Variants in CACNA1D observed in about 807,000 individuals in gnomAD.
CACNA1D encodes the protein voltage-dependent L-type calcium channel subunit alpha-1D.
In CACNA1D, 55 loss-of-function variants were observed where a neutral mutation model predicts 257.1. That is an observed-to-expected ratio of 0.21 (90% CI 0.17 to 0.27). The LOEUF (loss-of-function observed/expected upper bound fraction) is 0.27. Among genes scored for constraint, CACNA1D ranks in the 10% least tolerant of loss-of-function variants. CACNA1D has a pLI of 1.00. For missense variants in CACNA1D, 1,876 were observed against 2,784.0 expected, an observed-to-expected ratio of 0.67 and a Z score of 7.34; for synonymous variants, 980 against 1,014.9, an observed-to-expected ratio of 0.97 and a Z score of 0.65.
Position 53,518,879 on chromosome 3 carries a change from C to T in CACNA1D, c.483+17159C>T, listed in dbSNP as rs532721223. On this transcript the variant is annotated intron_variant, in intron 3 of 47. Transcript: ENST00000350061. ...CCAAGCTTACTACTTTGAAGGAACA[C>T]ATATTTACACAATTCTGATGTGTTT... Among the ~76,000 whole-genome samples, 109 of 152,320 alleles carry T rather than the reference C, an allele frequency of 7.2e-4. 1 individual carries two copies. Among genetic ancestry groups the T allele is most frequent in the Middle Eastern group, 6.8e-3 (2 of 294 alleles).
rs187704633 is a variant in CACNA1D, at chr3:53,677,387, C to T, written c.1220+4261C>T. Among the ~76,000 whole-genome samples, 8 of 152,356 alleles carry T rather than the reference C, an allele frequency of 5.3e-5. No individual in the cohort carries two copies. In the East Asian group the frequency reaches 9.6e-4, roughly 18 times the overall value. ...GTCTCTTTGTCCTTCAGGATATCAG[C>T]GACATCCTGTCTTGCCGTCTCCCAC... On this transcript the variant is annotated intron_variant, in intron 8 of 47. Coordinates refer to ENST00000350061, the MANE Select transcript of CACNA1D (RefSeq NM_001128840.3).
intron 6 of CACNA1D, 70 bp from the exon 7 acceptor site, chr3:53,666,269 C>A: frequency 6.8e-7 from 1 of 1,465,586 alleles, no homozygotes; most frequent in Non-Finnish European, 9.6e-7. Flanking sequence ...CAAGGGTTCT[C>A]ACCTTCCGCT....
At chr3:53,638,394 T>C (rs1429580578) in intron 3 of CACNA1D, among the ~76,000 whole-genome samples, 3 of 152,156 alleles carry the variant, frequency 2.0e-5, no homozygotes, top group African/African-American at 7.2e-5. Context: ...AGGTACATTG[T>C]GAGTATACTA....
At chr3:53,796,745 C>G (rs2095509417) in intron 40 of CACNA1D, among the ~76,000 whole-genome samples, 1 of 152,172 alleles carries the variant, frequency 6.6e-6, no homozygotes, top group Non-Finnish European at 1.5e-5. Flanking sequence ...AAAGCGCCAA[C>G]ATTTCTTTTC....
chr3:53,577,419 C>T (rs1575945413), intron 3 of CACNA1D, among the ~76,000 whole-genome samples: 1 of 152,100 alleles, frequency 6.6e-6, no homozygotes, highest in Non-Finnish European at 1.5e-5. Flanking sequence ...CCACTGGCAG[C>T]CCTGGATTTA....
At chr3:53,545,344 A>G (rs1218682891) in intron 3 of CACNA1D, among the ~76,000 whole-genome samples, 2 of 152,204 alleles carry the variant, frequency 1.3e-5, no homozygotes, top group Non-Finnish European at 2.9e-5. Context: ...CAGACATTTA[A>G]TGACTCTCCC....
chr3:53,648,359 G>C (rs1180115674), intron 3 of CACNA1D, among the ~76,000 whole-genome samples: 1 of 152,138 alleles, frequency 6.6e-6, no homozygotes, highest in Non-Finnish European at 1.5e-5. Context: ...CTGTGGGTTG[G>C]CATTTTCAGG....
chr3:53,725,191 T>G (rs1196988193), intron 14 of CACNA1D, among the ~76,000 whole-genome samples: 1 of 152,228 alleles, frequency 6.6e-6, no homozygotes, highest in Non-Finnish European at 1.5e-5. Flanking sequence ...TAGGAGACTT[T>G]CCACAGACAG....
At chr3:53,550,625 A>T (rs915369299) in intron 3 of CACNA1D, among the ~76,000 whole-genome samples, 2 of 152,174 alleles carry the variant, frequency 1.3e-5, no homozygotes, top group African/African-American at 4.8e-5. Context: ...GTTCTTTGAG[A>T]TGGATGGCTT....
At chr3:53,504,394 C>T (rs563928327) in intron 3 of CACNA1D, among the ~76,000 whole-genome samples, 1 of 152,272 alleles carries the variant, frequency 6.6e-6, no homozygotes, top group African/African-American at 2.4e-5. Context: ...TGGCCATCCC[C>T]ATTGATCCAA....
chr3:53,587,361 C>T (rs958566599), intron 3 of CACNA1D, among the ~76,000 whole-genome samples: 23 of 152,140 alleles, frequency 1.5e-4, no homozygotes, highest in African/African-American at 5.6e-4. Context: ...GTAATAGAGA[C>T]TCAGGATTTT....
At chr3:53,770,726 C>G (rs2095361710) in intron 32 of CACNA1D, among the ~76,000 whole-genome samples, 174 bp downstream of exon 32, 1 of 152,174 alleles carries the variant, frequency 6.6e-6, no homozygotes, top group African/African-American at 2.4e-5. Flanking sequence ...GGGTCAATCA[C>G]ATGGGATTAC....
Position 53,581,585 on chromosome 3 carries a change from G to A in CACNA1D, c.484-69194G>A, listed in dbSNP as rs553873635. On this transcript the variant is annotated intron_variant, in intron 3 of 47. Transcript: ENST00000350061. ...TTTCTCAGGGCCTAGTGCACTATGA[G>A]ACCGAGCAGGTATTTGTTAAATACT... Among the ~76,000 whole-genome samples the A allele has an allele frequency of 2.8e-4, 43 of 152,294 alleles. No individual in the cohort carries two copies. The South Asian group carries it at 8.5e-3, about 30-fold the overall frequency.
chr3:53,684,481 A>C (rs879863491), intron 8 of CACNA1D, among the ~76,000 whole-genome samples: 1 of 151,934 alleles, frequency 6.6e-6, no homozygotes, highest in South Asian at 2.1e-4. Context: ...AAATTAGCTG[A>C]GAGTGGTGGC....
chr3:53,507,770 C>G (rs1400809489), intron 3 of CACNA1D, among the ~76,000 whole-genome samples: 1 of 152,130 alleles, frequency 6.6e-6, no homozygotes, highest in Non-Finnish European at 1.5e-5. Context: ...ACCTCCCCAT[C>G]TAGACCCTTC....
intron 8 of CACNA1D, among the ~76,000 whole-genome samples, chr3:53,688,072 A>G (rs889508933): frequency 6.6e-6 from 1 of 152,230 alleles, no homozygotes; most frequent in African/African-American, 2.4e-5. Flanking sequence ...AAGCAATTCC[A>G]TTTCTAGTAT....
intron 3 of CACNA1D, among the ~76,000 whole-genome samples, chr3:53,530,848 CT>C (rs2091924116): frequency 6.6e-6 from 1 of 151,800 alleles, no homozygotes; most frequent in Non-Finnish European, 1.5e-5. Context: ...GCACATCCTC[CT>C]TTTCTTTTTT....
intron 3 of CACNA1D, among the ~76,000 whole-genome samples, chr3:53,547,949 C>G (rs1463607904): frequency 6.6e-6 from 1 of 152,168 alleles, no homozygotes; most frequent in Non-Finnish European, 1.5e-5. Context: ...GATAGCCTTT[C>G]CAGCGTGAGC....
chr3:53,527,029 C>T (rs1188742526), intron 3 of CACNA1D, among the ~76,000 whole-genome samples: 1 of 152,238 alleles, frequency 6.6e-6, no homozygotes, highest in Non-Finnish European at 1.5e-5. Context: ...AGAAAGCTCT[C>T]AAACATTATA....
Sources: allele counts gnomAD v4.1 joint callset (sites outside exome capture counted in the v4.1 genomes callset), GRCh38; gene constraint gnomAD v4.1.1; transcripts MANE v1.5; gene names NCBI Gene and HGNC (gene_info 2026-07-23, HGNC 2026-07-21).